Variants in LRP1 observed in about 807,000 individuals in gnomAD.
The protein encoded by LRP1 is LDL receptor related protein 1.
LRP1 carries 51 observed loss-of-function variants against 541.5 expected under a neutral mutation model. The observed-to-expected ratio is 0.09, with a 90% CI of 0.08 to 0.12. The LOEUF is 0.12. Among genes scored for constraint, LRP1 ranks in the 10% least tolerant of loss-of-function variants. The pLI, the probability that LRP1 is intolerant of heterozygous loss-of-function variation, is 1.00. For synonymous variants in LRP1, 2,219 were observed against 2,470.8 expected, an observed-to-expected ratio of 0.90 and a Z score of 3.02; for missense variants, 3,878 against 6,376.2, an observed-to-expected ratio of 0.61 and a Z score of 13.34.
At chr12:57,194,224 G>A in intron 48 of LRP1, 130 bp from the exon 49 acceptor site, 1 of 1,134,556 alleles carries the variant, frequency 8.8e-7, no homozygotes, top group Non-Finnish European at 1.2e-6. Context: ...AGATGGTGCA[G>A]ACAGTGCCCC....
chr12:57,173,172 G>A lies in LRP1; in HGVS notation c.3168G>A (p.Thr1056=), dbSNP rs755203920. 3.1e-6 allele frequency: 5 copies of A among 1,604,868 alleles called. No individual in the cohort carries two copies. Among genetic ancestry groups the A allele is most frequent in the African/African-American group, 1.3e-5 (1 of 74,900 alleles). The part of the protein sequence containing the change: ...ETHANCTNQA[T]RPPGGCHTDE... ...CCCTCCACTGTCCCTCTGCAGCCACGAGGCCCCCTGGTGGCTGCCACACTG... is the reference window on the plus strand; with the variant it reads ...CCCTCCACTGTCCCTCTGCAGCCACAAGGCCCCCTGGTGGCTGCCACACTG... Residue 1056 remains threonine (T), a synonymous_variant, in exon 21 of 89, where the codon ACG becomes ACA. Coordinates refer to ENST00000243077, the MANE Select transcript of LRP1 (RefSeq NM_002332.3). The surrounding 1 kb of genome is among the most constrained non-coding windows in gnomAD (Gnocchi z 4.7).
chr12:57,146,897 C>T (rs904525784), intron 6 of LRP1, among the ~76,000 whole-genome samples: 6 of 151,588 alleles, frequency 4.0e-5, no homozygotes, highest in South Asian at 4.2e-4. Context: ...CTGACCTACT[C>T]AACAGGCCTG....
At position 57,204,433 on chromosome 12, in the gene LRP1, T is replaced by G; in HGVS notation, c.10975T>G (p.Phe3659Val). The part of the protein sequence containing the change: ...TGVRTCPLDE[F>V]QCNNTLCKPL... ...AGTGCGGACCTGCCCCCTGGACGAG[T>G]TCCAGTGCAACAACACCTTGTGCAA... Residue 3659 changes from phenylalanine to valine, a missense_variant, in exon 71 of 89, where the codon TTC becomes GTC. This residue lies in a region of LRP1 where 278 missense variants were observed against 536.3 expected (regional missense o/e 0.52). Transcript: ENST00000243077. This position sits in a 1 kb window ranked among gnomAD's most constrained non-coding sequence, Gnocchi z 5.3. 6.5e-7 allele frequency: 1 copy of G among 1,549,946 alleles called. No homozygotes were observed. Among genetic ancestry groups the G allele is most frequent in the South Asian group, 1.2e-5 (1 of 80,956 alleles).
chr12:57,205,098 G>C lies in LRP1; in HGVS notation c.11195-11G>C, dbSNP rs767942993. The C allele has an allele frequency of 3.8e-5, 62 of 1,610,916 alleles. 1 individual carries two copies. Among genetic ancestry groups the C allele is most frequent in the Non-Finnish European group, 4.8e-5 (57 of 1,178,220 alleles). The stretch of plus-strand genomic sequence containing the variant: ...AGAATACCCAGGGCCTAAAGCCTCT[G>C]CCCTCCTCAGAGCCCCCCACAGCCC... On this transcript the variant is annotated splice_polypyrimidine_tract_variant and intron_variant, in intron 72 of 88. Transcript: ENST00000243077. This position sits in a 1 kb window ranked among gnomAD's most constrained non-coding sequence, Gnocchi z 4.6.
rs141357258 is a variant in LRP1 at position 57,173,997 on chromosome 12, G to C, written c.3547+17G>C. 795 of 1,613,042 alleles carry C rather than the reference G, an allele frequency of 4.9e-4. 1 individual carries two copies. Among genetic ancestry groups the C allele is most frequent in the Admixed American group, 6.8e-4 (41 of 59,960 alleles). On this transcript the variant is annotated intron_variant, in intron 22 of 88. Coordinates refer to ENST00000243077, the MANE Select transcript of LRP1 (RefSeq NM_002332.3). This position sits in a 1 kb window ranked among gnomAD's most constrained non-coding sequence, Gnocchi z 4.7. ...AGCTCTGCGGTGAGGCCTGGTCCCA[G>C]GAGAAGGGTAGGGAGGGTGGCTGGG...
At chr12:57,137,227 G>A (rs1315923469) in intron 1 of LRP1, among the ~76,000 whole-genome samples, 1 of 139,734 alleles carries the variant, frequency 7.2e-6, no homozygotes, top group Non-Finnish European at 1.5e-5. Context: ...GGCAACAAGA[G>A]CAAAACTCTG....
chr12:57,197,240 G>A lies in LRP1; in HGVS notation c.9077-59G>A. On this transcript the variant is annotated intron_variant, in intron 56 of 88. Transcript: ENST00000243077. The surrounding 1 kb of genome is among the most constrained non-coding windows in gnomAD (Gnocchi z 4.5). ...GCCCGGGTGGCAGAGCTCCAGACAGGCAGGAGACCAGGGCCGCTAGAATGT... is the reference window on the plus strand; with the variant it reads ...GCCCGGGTGGCAGAGCTCCAGACAGACAGGAGACCAGGGCCGCTAGAATGT... 1.2e-6 allele frequency: 2 copies of A among 1,612,020 alleles called. No individual in the cohort carries two copies. Among genetic ancestry groups the A allele is most frequent in the Non-Finnish European group, 1.7e-6 (2 of 1,178,154 alleles).
chr12:57,180,970 C>T (rs557222390), intron 33 of LRP1, among the ~76,000 whole-genome samples, 163 bp downstream of exon 33: 1 of 152,322 alleles, frequency 6.6e-6, no homozygotes, highest in African/African-American at 2.4e-5. Flanking sequence ...CTTGTAGGCT[C>T]CCAGCAGCCC....
chr12:57,187,162 C>T (rs1300533286), intron 41 of LRP1, 105 bp from the exon 42 acceptor site: 42 of 1,182,470 alleles, frequency 3.6e-5, no homozygotes, highest in South Asian at 4.5e-5. Context: ...CCCCACACTT[C>T]GCCTTCCAGC....
intron 12 of LRP1, 95 bp from the exon 13 acceptor site, chr12:57,160,798 G>A: frequency 1.2e-6 from 1 of 865,236 alleles, no homozygotes; most frequent in Non-Finnish European, 1.9e-6. Flanking sequence ...AGACCCCTGT[G>A]AGGAGCTCTG....
chr12:57,177,971 CAG>C lies in LRP1; in HGVS notation c.4361+383_4361+384del, dbSNP rs996021697. Among the ~76,000 whole-genome samples, 7 of 133,236 alleles carry C rather than the reference CAG, an allele frequency of 5.3e-5. No homozygotes were observed. Among genetic ancestry groups the C allele is most frequent in the African/African-American group, 8.8e-5 (3 of 34,270 alleles). The allele number at this position is 133,236 out of a possible 152,430, so 87.4% of individuals were successfully genotyped here. On this transcript the variant is annotated intron_variant, in intron 26 of 88. Coordinates refer to ENST00000243077, the MANE Select transcript of LRP1 (RefSeq NM_002332.3). This position sits in a 1 kb window ranked among gnomAD's most constrained non-coding sequence, Gnocchi z 6.8. ...TCTTTTTTTTTTTTTTTTTTTGAGA[CAG>C]AGTCTCGCTCCGTCGCCCAGGCTGG...
At chr12:57,148,666 G>A (rs572287171) in intron 6 of LRP1, among the ~76,000 whole-genome samples, 2 of 152,340 alleles carry the variant, frequency 1.3e-5, no homozygotes, top group Admixed American at 1.3e-4. Context: ...CTGCAAGATT[G>A]GGGTCCTGGG....
chr12:57,207,598 G>A (rs1388350454), intron 76 of LRP1, among the ~76,000 whole-genome samples: 1 of 152,184 alleles, frequency 6.6e-6, no homozygotes, highest in African/African-American at 2.4e-5. Flanking sequence ...GTGGGGCAGG[G>A]GGCAGTCTTA....
chr12:57,200,951 G>T, intron 64 of LRP1, 83 bp from the exon 65 acceptor site: 1 of 1,601,974 alleles, frequency 6.2e-7, no homozygotes, highest in Non-Finnish European at 8.5e-7. Flanking sequence ...TCAAGCCTGT[G>T]TCCTCCCTGC....
rs774878420 is a variant in LRP1, at chr12:57,178,459, G to A, written c.4462G>A (p.Gly1488Arg). ...GCACCCGTTTGCAGTGACGCTGTAC[G>A]GGGGGGAGGTCTACTGGACTGACTG... Reference protein sequence around the residue: ...LSHPFAVTLYGGEVYWTDWRT... With the variant: ...LSHPFAVTLYRGEVYWTDWRT... Residue 1488 changes from glycine to arginine, a missense_variant, in exon 27 of 89, where the codon GGG becomes AGG. This residue lies in a region of LRP1 where 54 missense variants were observed against 167.7 expected (regional missense o/e 0.32). Coordinates refer to ENST00000243077, the MANE Select transcript of LRP1 (RefSeq NM_002332.3). The surrounding 1 kb of genome is among the most constrained non-coding windows in gnomAD (Gnocchi z 5.8). The A allele has an allele frequency of 6.2e-7, 1 of 1,614,122 alleles. No individual in the cohort carries two copies. Among genetic ancestry groups the A allele is most frequent in the Non-Finnish European group, 8.5e-7 (1 of 1,179,962 alleles).
In LRP1 at chr12:57,199,365, A is replaced by G; in HGVS notation, c.9830A>G (p.Asp3277Gly). 4 of 1,612,420 alleles carry G rather than the reference A, an allele frequency of 2.5e-6. No individual in the cohort carries two copies. The highest frequency in any genetic ancestry group is 2.7e-5 in the African/African-American group (2 of 75,038). ...LLISTLHRPMDLHVFHALRQP... is the reference protein window; with the variant it reads ...LLISTLHRPMGLHVFHALRQP... ...ATCAGCACGCTGCACCGGCCCATGG[A>G]CCTGCATGTCTTCCATGCCCTGCGC... Residue 3277 changes from aspartate to glycine, a missense_variant, in exon 61 of 89, where the codon GAC becomes GGC. Around this residue, in one of 13 missense-constraint regions of LRP1, gnomAD observed 1,100 missense variants for 1,827.4 expected, o/e 0.60. Coordinates refer to ENST00000243077, the MANE Select transcript of LRP1 (RefSeq NM_002332.3).
In LRP1 at chr12:57,209,046, G is replaced by C. The variant is rs779514193; in HGVS notation, c.12146-37G>C. On this transcript the variant is annotated intron_variant, in intron 78 of 88. Transcript: ENST00000243077. ...TCTTTCCACCCCGAGCCTGGGTTGG[G>C]GAGGCCAAGCTCTCACAGTGCTCTC... 6 of 1,551,410 alleles carry C rather than the reference G, an allele frequency of 3.9e-6. No homozygotes were observed. In the Admixed American group the frequency reaches 1.0e-4, roughly 26 times the overall value.
At position 57,211,211 on chromosome 12, in the gene LRP1, T is replaced by G; in HGVS notation, c.12952T>G (p.Cys4318Gly). The G allele has an allele frequency of 6.2e-7, 1 of 1,614,238 alleles. No individual in the cohort carries two copies. The highest frequency in any genetic ancestry group is 8.5e-7 in the Non-Finnish European group (1 of 1,180,044). The change falls in exon 84 of 89, where the codon TGC (cysteine) becomes GGC (glycine). Residue 4318 changes from cysteine (C) to glycine (G), a missense_variant. Around this residue, in one of 13 missense-constraint regions of LRP1, gnomAD observed 871 missense variants for 1,212.4 expected, o/e 0.72. Transcript: ENST00000243077. This position sits in a 1 kb window ranked among gnomAD's most constrained non-coding sequence, Gnocchi z 4.3. ...CSGYCENFGT[C>G]QMAADGSRQC... ...TGGCTACTGTGAGAACTTTGGCACA[T>G]GCCAGATGGCTGCTGATGGCTCCCG...
In LRP1 at chr12:57,162,169, C is replaced by T. The variant is rs2035749042; in HGVS notation, c.2203-148C>T. The T allele has an allele frequency of 1.4e-6, 1 of 707,690 alleles. No individual in the cohort carries two copies. Among genetic ancestry groups the T allele is most frequent in the Admixed American group, 2.1e-5 (1 of 48,538 alleles). The allele number at this position is 707,690 out of a possible 1,614,324, so 43.8% of individuals were successfully genotyped here. On this transcript the variant is annotated intron_variant, in intron 13 of 88. Coordinates refer to ENST00000243077, the MANE Select transcript of LRP1 (RefSeq NM_002332.3). The surrounding 1 kb of genome is among the most constrained non-coding windows in gnomAD (Gnocchi z 5.2). ...ATCTACCATCCCACTGTGTGCAAAA[C>T]TATCACTCTCTGGGGCTCCCAGGCT... is the stretch of plus-strand genomic sequence containing the variant.
Sources: gnomAD v4.1 joint callset for allele counts (sites outside exome capture counted in the v4.1 genomes callset) on GRCh38, gnomAD v4.1.1 for gene constraint, gnomAD v4.1.1 regional missense constraint, Gnocchi (gnomAD v3.1) non-coding constraint, MANE v1.5 for transcripts, NCBI Gene and HGNC (gene_info 2026-07-23, HGNC 2026-07-21) for gene names.